Variants in PTPRD observed in about 807,000 individuals in gnomAD.
PTPRD encodes protein tyrosine phosphatase receptor type D, also known as receptor-type tyrosine-protein phosphatase delta.
Under a neutral mutation model 214.5 loss-of-function variants are expected in PTPRD, and 34 were observed. The observed-to-expected ratio is 0.16, with a 90% CI of 0.12 to 0.21. PTPRD has a LOEUF of 0.21. Among genes scored for constraint, PTPRD ranks in the 10% least tolerant of loss-of-function variants. The pLI, the probability that PTPRD is intolerant of heterozygous loss-of-function variation, is 1.00. For synonymous variants in PTPRD, 1,128 were observed against 845.7 expected, an observed-to-expected ratio of 1.33 and a Z score of -5.79; for missense variants, 2,545 against 2,398.7, an observed-to-expected ratio of 1.06 and a Z score of -1.27.
At chr9:9,463,303 C>T (rs1390293173) in intron 8 of PTPRD, among the ~76,000 whole-genome samples, 1 of 152,096 alleles carries the variant, frequency 6.6e-6, no homozygotes, top group African/African-American at 2.4e-5. Flanking sequence ...GTCACAACAA[C>T]AAAACAGCAA....
At chr9:9,976,370 C>G (rs900473214) in intron 4 of PTPRD, among the ~76,000 whole-genome samples, 4 of 151,854 alleles carry the variant, frequency 2.6e-5, no homozygotes, top group African/African-American at 9.7e-5. Context: ...TATGCATCAT[C>G]CAGGTGATTA....
At chr9:10,195,098 A>ATTTTTTTTTTTTTTTTTTTTTTTTTTTTT (rs34900305) in intron 3 of PTPRD, among the ~76,000 whole-genome samples, 1 of 97,910 alleles carries the variant, frequency 1.0e-5, no homozygotes. Context: ...ATACCCGGCT[A>ATTTTTTTTTTTTTTTTTTTTTTTTTTTTT]TTTTTTTTTT....
chr9:9,315,217 A>G (rs1453045459), intron 9 of PTPRD, among the ~76,000 whole-genome samples: 2 of 151,986 alleles, frequency 1.3e-5, no homozygotes, highest in African/African-American at 4.8e-5. Context: ...GTTGTAATAT[A>G]TAACTCCCAA....
chr9:9,934,135 C>T (rs1470516202), intron 5 of PTPRD, among the ~76,000 whole-genome samples: 1 of 148,686 alleles, frequency 6.7e-6, no homozygotes, highest in African/African-American at 2.6e-5. Context: ...AGGTAAGATC[C>T]AAAATTGACA....
chr9:8,426,920 GAA>G (rs2094715716), intron 35 of PTPRD, among the ~76,000 whole-genome samples: 1 of 151,558 alleles, frequency 6.6e-6, no homozygotes, highest in Non-Finnish European at 1.5e-5. Context: ...AGATCAGTAA[GAA>G]AAAAAGACTA....
At chr9:9,583,112 G>A (rs979938478) in intron 7 of PTPRD, among the ~76,000 whole-genome samples, 1 of 151,968 alleles carries the variant, frequency 6.6e-6, no homozygotes, top group Admixed American at 6.6e-5. Flanking sequence ...ATGAATATCT[G>A]TTCCTAAATT....
At chr9:10,522,977 G>A (rs376576367) in intron 2 of PTPRD, among the ~76,000 whole-genome samples, 38 of 152,082 alleles carry the variant, frequency 2.5e-4, no homozygotes, top group African/African-American at 7.7e-4. Flanking sequence ...TCATAAATAA[G>A]TATATAATAT....
At chr9:10,031,319 G>GGT (rs1249369417) in intron 4 of PTPRD, among the ~76,000 whole-genome samples, 1 of 151,954 alleles carries the variant, frequency 6.6e-6, no homozygotes, top group Non-Finnish European at 1.5e-5. Context: ...TGTCTGTATG[G>GGT]GTGTTGCCAA....
At chr9:9,370,873 G>A (rs2059294899) in intron 9 of PTPRD, among the ~76,000 whole-genome samples, 1 of 151,716 alleles carries the variant, frequency 6.6e-6, no homozygotes, top group African/African-American at 2.4e-5. Flanking sequence ...AGATAATCAT[G>A]TGGTTTTTGT....
At chr9:10,186,916 C>A (rs1274410737) in intron 3 of PTPRD, among the ~76,000 whole-genome samples, 1 of 152,036 alleles carries the variant, frequency 6.6e-6, no homozygotes, top group African/African-American at 2.4e-5. Context: ...TATTTAGAAA[C>A]CCCCATGATT....
At chr9:10,205,284 G>A (rs1242066809) in intron 3 of PTPRD, among the ~76,000 whole-genome samples, 1 of 151,716 alleles carries the variant, frequency 6.6e-6, no homozygotes. Flanking sequence ...TAACATAAAT[G>A]AACAGAAAAT....
At chr9:8,906,912 G>A (rs1444122293) in intron 11 of PTPRD, among the ~76,000 whole-genome samples, 1 of 152,068 alleles carries the variant, frequency 6.6e-6, no homozygotes, top group Non-Finnish European at 1.5e-5. Flanking sequence ...ACTTGAGAGG[G>A]CCCAAACTTT....
At chr9:9,187,626 T>C (rs999147110) in intron 9 of PTPRD, among the ~76,000 whole-genome samples, 1 of 151,956 alleles carries the variant, frequency 6.6e-6, no homozygotes, top group Non-Finnish European at 1.5e-5. Context: ...CTCAACCTTG[T>C]TCTAATGTCA....
At chr9:9,575,655 G>A (rs1275155111) in intron 7 of PTPRD, among the ~76,000 whole-genome samples, 2 of 144,176 alleles carry the variant, frequency 1.4e-5, no homozygotes, top group East Asian at 4.5e-4. Context: ...GGGAGGTGGA[G>A]GTTGCAGTGA....
At chr9:9,189,991 C>T (rs1001052512) in intron 9 of PTPRD, among the ~76,000 whole-genome samples, 1 of 152,062 alleles carries the variant, frequency 6.6e-6, no homozygotes, top group Non-Finnish European at 1.5e-5. Context: ...CCCTTCCTCG[C>T]TCCTGGCACA....
chr9:10,093,372 T>C (rs961273627), intron 3 of PTPRD, among the ~76,000 whole-genome samples: 3 of 151,286 alleles, frequency 2.0e-5, no homozygotes, highest in Non-Finnish European at 4.4e-5. Context: ...ATCAGAGAAA[T>C]GCAAATCAAA....
At chr9:8,356,650 T>A (rs1337167776) in intron 39 of PTPRD, among the ~76,000 whole-genome samples, 2 of 152,222 alleles carry the variant, frequency 1.3e-5, no homozygotes, top group Non-Finnish European at 2.9e-5. Flanking sequence ...CTTTCTTTGG[T>A]AGTAATTTTA....
intron 2 of PTPRD, among the ~76,000 whole-genome samples, chr9:10,423,406 T>A (rs1939298419): frequency 6.6e-6 from 1 of 151,992 alleles, no homozygotes; most frequent in Admixed American, 6.6e-5. Context: ...TATACATATG[T>A]AACAAACCTG....
chr9:8,750,049 C>A (rs1056278089), intron 11 of PTPRD, among the ~76,000 whole-genome samples: 1 of 151,164 alleles, frequency 6.6e-6, no homozygotes, highest in African/African-American at 2.4e-5. Flanking sequence ...TTGCAGTGAG[C>A]CAAGCTCGCG....
Sources: gnomAD v4.1 joint callset for allele counts (sites outside exome capture counted in the v4.1 genomes callset) on GRCh38, gnomAD v4.1.1 for gene constraint, MANE v1.5 for transcripts, NCBI Gene and HGNC (gene_info 2026-07-23, HGNC 2026-07-21) for gene names.